SMYD3: variants seen among roughly 807,000 people sequenced by gnomAD.
SMYD3 encodes SET and MYND domain containing 3.
In SMYD3, 36 loss-of-function variants were observed where a neutral mutation model predicts 57.7. The ratio of observed to expected loss-of-function variants is 0.62; its 90% CI spans 0.48 to 0.82. The LOEUF (loss-of-function observed/expected upper bound fraction) is 0.82. Ranked by LOEUF, SMYD3 falls within the 40% of genes least tolerant of loss-of-function variation. The pLI, the probability that SMYD3 is intolerant of heterozygous loss-of-function variation, is 0.00. For missense variants in SMYD3, 515 were observed against 538.8 expected (o/e 0.96, Z 0.44); for synonymous variants, 211 against 195.0 (o/e 1.08, Z -0.68).
intron 5 of SMYD3, among the ~76,000 whole-genome samples, chr1:246,095,489 G>T (rs1439094446): frequency 6.6e-6 from 1 of 152,184 alleles, no homozygotes; most frequent in African/African-American, 2.4e-5. Context: ...AGATTAGGAA[G>T]ACAAATCATG....
At chr1:246,141,332 A>T (rs772341803) in intron 5 of SMYD3, among the ~76,000 whole-genome samples, 1 of 152,188 alleles carries the variant, frequency 6.6e-6, no homozygotes, top group Non-Finnish European at 1.5e-5. Context: ...ATTCCACACG[A>T]TATGAGCAAA....
chr1:246,461,266 T>TG (rs376950071), intron 1 of SMYD3, among the ~76,000 whole-genome samples: 3 of 152,100 alleles, frequency 2.0e-5, no homozygotes, highest in Non-Finnish European at 2.9e-5. Context: ...CTGAAATTAG[T>TG]GGAAATTAGT....
intron 1 of SMYD3, among the ~76,000 whole-genome samples, chr1:246,449,707 A>C (rs764784792): frequency 6.6e-6 from 1 of 151,286 alleles, no homozygotes; most frequent in Non-Finnish European, 1.5e-5. Flanking sequence ...GGGCTGCCCT[A>C]AGAAGAGAAA....
intron 8 of SMYD3, among the ~76,000 whole-genome samples, chr1:245,871,832 A>G (rs991613690): frequency 1.3e-5 from 2 of 151,728 alleles, no homozygotes; most frequent in African/African-American, 4.8e-5. Flanking sequence ...TTCAATCCCC[A>G]CCCTACAGGG....
intron 1 of SMYD3, among the ~76,000 whole-genome samples, chr1:246,466,697 A>C (rs66470903): frequency 0.23 from 35,433 of 151,988 alleles, 4,484 homozygotes; most frequent in Middle Eastern, 0.4. Context: ...TAAAACTAAA[A>C]ATGAGCTGGG....
chr1:245,800,521 G>A lies in SMYD3; in HGVS notation c.1077-36372C>T, dbSNP rs2047809287. The stretch of plus-strand genomic sequence containing the variant: ...TATTTGTGACATTAATGAACAAATG[G>A]TATTAAGGATACAGACCAAGAGAGC... On this transcript the variant is annotated intron_variant, in intron 10 of 11. Transcript: ENST00000490107. Among the ~76,000 whole-genome samples, 3 of 151,984 alleles carry A rather than the reference G, an allele frequency of 2.0e-5. No homozygotes were observed. In the South Asian group the frequency reaches 6.2e-4, roughly 32 times the overall value.
chr1:246,301,618 C>T (rs931118860), intron 5 of SMYD3, among the ~76,000 whole-genome samples: 2 of 152,122 alleles, frequency 1.3e-5, no homozygotes, highest in Non-Finnish European at 2.9e-5. Flanking sequence ...TATAATGTTA[C>T]GTGCTATAAG....
intron 5 of SMYD3, among the ~76,000 whole-genome samples, chr1:246,207,529 C>A (rs1163426991): frequency 3.3e-5 from 5 of 151,842 alleles, no homozygotes; most frequent in Admixed American, 6.6e-5. Flanking sequence ...ATGTGGAAAA[C>A]AAATCATAAC....
chr1:246,442,588 GAAAAC>G (rs1164383422), intron 1 of SMYD3, among the ~76,000 whole-genome samples: 1 of 137,114 alleles, frequency 7.3e-6, no homozygotes, highest in African/African-American at 2.6e-5. Flanking sequence ...ACTGAAAAGA[GAAAAC>G]AAAGTAAAAG....
At chr1:245,751,609 AGAGAGAGAGAAAAAGAG>A (rs2045379152) in intron 11 of SMYD3, among the ~76,000 whole-genome samples, 3 of 128,842 alleles carry the variant, frequency 2.3e-5, no homozygotes, top group Non-Finnish European at 3.5e-5. Flanking sequence ...AGAGAGAGAA[AGAGAGAGAGAAAAAGAG>A]AGAGAGAGAG....
chr1:246,405,965 C>A (rs186561438), intron 1 of SMYD3, among the ~76,000 whole-genome samples: 66 of 151,480 alleles, frequency 4.4e-4, no homozygotes, highest in African/African-American at 1.6e-3. Flanking sequence ...TAGAATTAGA[C>A]GGTTTGAGCC....
At chr1:246,321,633 A>T (rs914147051) in intron 5 of SMYD3, 5 of 151,438 alleles carry the variant, frequency 3.3e-5, no homozygotes, top group African/African-American at 1.2e-4. Context: ...CCGAGTAGCT[A>T]ATTGTAATTT....
chr1:245,766,464 C>A (rs1401267588), intron 10 of SMYD3, among the ~76,000 whole-genome samples: 1 of 149,762 alleles, frequency 6.7e-6, no homozygotes, highest in Non-Finnish European at 1.5e-5. Context: ...AAAGGAGACA[C>A]TGGGTCCTGG....
intron 5 of SMYD3, among the ~76,000 whole-genome samples, chr1:246,215,869 C>T (rs926590714): frequency 6.6e-6 from 1 of 152,114 alleles, no homozygotes; most frequent in Admixed American, 6.5e-5. Context: ...GTGTATCTTC[C>T]ACTTGAAAGG....
chr1:246,295,960 G>T (rs2064785632), intron 5 of SMYD3, among the ~76,000 whole-genome samples: 1 of 152,196 alleles, frequency 6.6e-6, no homozygotes, highest in Admixed American at 6.5e-5. Flanking sequence ...TGATTTGGGT[G>T]TTTTGTTCTG....
chr1:246,443,187 A>G (rs1489613111), intron 1 of SMYD3, among the ~76,000 whole-genome samples: 2 of 152,242 alleles, frequency 1.3e-5, no homozygotes, highest in African/African-American at 4.8e-5. Flanking sequence ...ACCAATCAGT[A>G]ACACTGGTTT....
At chr1:246,287,367 G>A (rs1416066891) in intron 5 of SMYD3, among the ~76,000 whole-genome samples, 1 of 152,116 alleles carries the variant, frequency 6.6e-6, no homozygotes, top group Non-Finnish European at 1.5e-5. Context: ...AAAAGCTTTT[G>A]TAGTAAAAAC....
At chr1:246,479,985 G>C (rs1387398498) in intron 1 of SMYD3, among the ~76,000 whole-genome samples, 1 of 152,166 alleles carries the variant, frequency 6.6e-6, no homozygotes, top group African/African-American at 2.4e-5. Context: ...TTAGCATCAG[G>C]TGGGTCAGAA....
intron 3 of SMYD3, among the ~76,000 whole-genome samples, chr1:246,330,964 A>G (rs973279131): frequency 3.3e-5 from 5 of 152,074 alleles, no homozygotes; most frequent in African/African-American, 7.2e-5. Flanking sequence ...GCGAAACCCT[A>G]TGCCTAAAAA....
Sources: gnomAD v4.1 joint callset for allele counts (sites outside exome capture counted in the v4.1 genomes callset) on GRCh38, gnomAD v4.1.1 for gene constraint, MANE v1.5 for transcripts, NCBI Gene and HGNC (gene_info 2026-07-23, HGNC 2026-07-21) for gene names.